TRIO: variants seen among roughly 807,000 people sequenced by gnomAD.
TRIO encodes trio Rho guanine nucleotide exchange factor, also known as triple functional domain protein.
Under a neutral mutation model 351.9 loss-of-function variants are expected in TRIO, and 58 were observed. The ratio of observed to expected loss-of-function variants is 0.16; its 90% confidence interval spans 0.13 to 0.21. The LOEUF is 0.21. Ranked by LOEUF, TRIO falls within the 10% of genes least tolerant of loss-of-function variation. The probability of loss-of-function intolerance (pLI) is 1.00; values close to 1 mark genes in which losing one functional copy is unlikely to be tolerated. For synonymous variants in TRIO, 1,758 were observed against 1,595.7 expected (o/e 1.10, Z -2.42); for missense variants, 3,201 against 4,027.8 (o/e 0.79, Z 5.56).
chr5:14,180,549 A>G (rs1211633183), intron 1 of TRIO, among the ~76,000 whole-genome samples: 2 of 152,214 alleles, frequency 1.3e-5, no homozygotes, highest in Admixed American at 6.5e-5. Context: ...ATATGAAAAT[A>G]TAGGCCAGAC....
At chr5:14,166,144 G>A (rs892206389) in intron 1 of TRIO, among the ~76,000 whole-genome samples, 7 of 152,240 alleles carry the variant, frequency 4.6e-5, no homozygotes, top group Non-Finnish European at 7.3e-5. Flanking sequence ...GGATGCTCCC[G>A]GTGGAGAGTC....
At chr5:14,388,795 T>G in intron 24 of TRIO, 116 bp downstream of exon 24, 1 of 1,219,984 alleles carries the variant, frequency 8.2e-7, no homozygotes, top group Admixed American at 2.6e-5. Context: ...TTCTGTCATT[T>G]TTTTAAATGT....
intron 33 of TRIO, among the ~76,000 whole-genome samples, chr5:14,409,685 T>C (rs1030037744): frequency 3.3e-5 from 5 of 151,694 alleles, no homozygotes; most frequent in Non-Finnish European, 5.9e-5. Context: ...ATGTAAAAAA[T>C]TAGTCGAGCG....
intron 11 of TRIO, among the ~76,000 whole-genome samples, chr5:14,355,543 C>G (rs571803946): frequency 6.6e-6 from 1 of 152,318 alleles, no homozygotes; most frequent in South Asian, 2.1e-4. Flanking sequence ...CTTTGTAAAG[C>G]ATTTCCTAAA....
At chr5:14,348,698 C>T (rs1214886757) in intron 11 of TRIO, among the ~76,000 whole-genome samples, 5 of 138,676 alleles carry the variant, frequency 3.6e-5, no homozygotes, top group South Asian at 2.3e-4. Flanking sequence ...CATGTTTTTC[C>T]TGCATGTTTA....
chr5:14,380,496 G>A (rs373841842), intron 20 of TRIO, among the ~76,000 whole-genome samples: 44 of 152,108 alleles, frequency 2.9e-4, no homozygotes, highest in African/African-American at 1.0e-3. Context: ...CCCCAGGGCG[G>A]CTGACTCCCC....
intron 46 of TRIO, 105 bp from the exon 47 acceptor site, chr5:14,484,964 T>A (rs1755809036): frequency 1.6e-6 from 2 of 1,237,622 alleles, no homozygotes. Context: ...TGAAAAACTG[T>A]CCACATAGCC....
chr5:14,149,416 A>C (rs13184751), intron 1 of TRIO, among the ~76,000 whole-genome samples: 36,419 of 152,050 alleles, frequency 0.24, 4,588 homozygotes, highest in Middle Eastern at 0.3. Context: ...GGAAACACTT[A>C]ATTTGCTTAC....
chr5:14,257,119 A>T lies in TRIO; in HGVS notation c.158-13706A>T, dbSNP rs181490034. ...AAAGGGAGCCCAAAGGTGGAAGCCG[A>T]AGATGGGAGGAGAATGAGGTCTGTC... On this transcript the variant is annotated intron_variant, in intron 1 of 56. Coordinates refer to ENST00000344204, the MANE Select transcript of TRIO (RefSeq NM_007118.4). Among the ~76,000 whole-genome samples, 503 of 152,334 alleles carry T rather than the reference A, an allele frequency of 3.3e-3. 3 individuals are homozygous for T. Among genetic ancestry groups the T allele is most frequent in the African/African-American group, 0.011 (470 of 41,586 alleles).
intron 9 of TRIO, among the ~76,000 whole-genome samples, chr5:14,325,223 G>T (rs946765978): frequency 1.3e-5 from 2 of 152,204 alleles, no homozygotes; most frequent in Admixed American, 1.3e-4. Flanking sequence ...CCTGTTTGAT[G>T]AGGGTTTAGT....
chr5:14,474,301 G>A (rs755027516), intron 40 of TRIO, among the ~76,000 whole-genome samples: 8 of 152,268 alleles, frequency 5.3e-5, no homozygotes, highest in East Asian at 1.9e-4. Flanking sequence ...TCTCTTCTTC[G>A]TGCTGGTCCA....
Position 14,270,830 on chromosome 5 carries a change from C to G in TRIO, c.163C>G (p.Arg55Gly), listed in dbSNP as rs1359262571. The G allele has an allele frequency of 1.2e-6, 2 of 1,613,386 alleles. No individual in the cohort carries two copies. The highest frequency in any genetic ancestry group is 1.7e-5 in the Admixed American group (1 of 59,926). ...TTTCTCCTTCTGTATTTCAGGGTTT[C>G]GAAAAAACGATGAAATGAAAGCTAT... ...DIAAFFRSGF[R>G]KNDEMKAMDV... The change falls in exon 2 of 57, where the codon CGA (arginine) becomes GGA (glycine). Residue 55 changes from arginine to glycine, a missense_variant. Arg to Gly is a moderately radical substitution (Grantham distance 125). This residue lies in a region of TRIO where 109 missense variants were observed against 134.6 expected (regional missense o/e 0.81). Coordinates refer to ENST00000344204, the MANE Select transcript of TRIO (RefSeq NM_007118.4).
intron 11 of TRIO, among the ~76,000 whole-genome samples, chr5:14,341,445 C>T (rs1741933966): frequency 6.6e-6 from 1 of 152,168 alleles, no homozygotes; most frequent in Non-Finnish European, 1.5e-5. Flanking sequence ...CCTTGAAGCC[C>T]AGGACCATGT....
intron 34 of TRIO, among the ~76,000 whole-genome samples, chr5:14,454,374 G>GAGT (rs1199568458): frequency 2.0e-5 from 3 of 152,218 alleles, no homozygotes; most frequent in African/African-American, 7.2e-5. Context: ...AGTGAGAGAT[G>GAGT]AGTCGCTAGA....
At chr5:14,251,599 C>G (rs1053085896) in intron 1 of TRIO, among the ~76,000 whole-genome samples, 3 of 152,172 alleles carry the variant, frequency 2.0e-5, no homozygotes, top group Non-Finnish European at 2.9e-5. Context: ...TGAAAAGGCC[C>G]CTCTTTCTCC....
At chr5:14,281,194 C>T (rs1273177402) in intron 3 of TRIO, among the ~76,000 whole-genome samples, 1 of 152,098 alleles carries the variant, frequency 6.6e-6, no homozygotes, top group South Asian at 2.1e-4. Flanking sequence ...ACGTTTGGGA[C>T]TGGGTAATTT....
chr5:14,335,042 T>C (rs1211427172), intron 10 of TRIO, among the ~76,000 whole-genome samples: 1 of 152,110 alleles, frequency 6.6e-6, no homozygotes, highest in Non-Finnish European at 1.5e-5. Flanking sequence ...TGTGTGTGTG[T>C]ACACATGCGC....
chr5:14,496,703 C>T (rs765590241), intron 49 of TRIO, among the ~76,000 whole-genome samples, 176 bp from the exon 50 acceptor site: 22 of 152,112 alleles, frequency 1.4e-4, no homozygotes, highest in Non-Finnish European at 2.4e-4. Context: ...TTGGTTTTAT[C>T]TCCTGGTTCT....
chr5:14,207,463 T>TAC (rs70964545), intron 1 of TRIO, among the ~76,000 whole-genome samples: 2,453 of 22,736 alleles, frequency 0.11, 443 homozygotes, highest in African/African-American at 0.14. Flanking sequence ...ACTGTCTCTC[T>TAC]ACACACACAC....
Sources: gnomAD v4.1 joint callset for allele counts (sites outside exome capture counted in the v4.1 genomes callset) on GRCh38, gnomAD v4.1.1 for gene constraint, gnomAD v4.1.1 regional missense constraint, MANE v1.5 for transcripts, NCBI Gene and HGNC (gene_info 2026-07-23, HGNC 2026-07-21) for gene names.